KIAA0825: variants seen among roughly 807,000 people sequenced by gnomAD.
The protein encoded by KIAA0825 is uncharacterized protein KIAA0825.
Under a neutral mutation model 147.6 loss-of-function variants are expected in KIAA0825, and 119 were observed. The ratio of observed to expected loss-of-function variants is 0.81; its 90% CI spans 0.69 to 0.94. KIAA0825 has a LOEUF of 0.94. KIAA0825 is among the 40% of genes least tolerant of loss of function. The pLI, the probability that KIAA0825 is intolerant of heterozygous loss-of-function variation, is 0.00. For missense variants in KIAA0825, 1,381 were observed against 1,472.7 expected, an observed-to-expected ratio of 0.94 and a Z score of 1.02; for synonymous variants, 470 against 518.1, an observed-to-expected ratio of 0.91 and a Z score of 1.26.
At chr5:94,450,370 T>G (rs1320643968) in intron 13 of KIAA0825, among the ~76,000 whole-genome samples, 1 of 146,066 alleles carries the variant, frequency 6.8e-6, no homozygotes, top group East Asian at 2.0e-4. Flanking sequence ...CCAGCAAGTT[T>G]GGGGAATCTG....
At chr5:94,249,445 C>G (rs911776138) in intron 20 of KIAA0825, among the ~76,000 whole-genome samples, 2 of 151,990 alleles carry the variant, frequency 1.3e-5, no homozygotes, top group Non-Finnish European at 2.9e-5. Context: ...TTTGCAAGAC[C>G]AATGTGAGGC....
intron 20 of KIAA0825, among the ~76,000 whole-genome samples, chr5:94,245,130 T>A (rs752822351): frequency 6.6e-6 from 1 of 152,184 alleles, no homozygotes; most frequent in Non-Finnish European, 1.5e-5. Flanking sequence ...AAAACGTCCC[T>A]TGGTTAAAGA....
intron 1 of KIAA0825, among the ~76,000 whole-genome samples, chr5:94,616,302 C>T (rs1790464392): frequency 6.6e-6 from 1 of 152,068 alleles, no homozygotes; most frequent in East Asian, 1.9e-4. Flanking sequence ...GTCATTTCAA[C>T]TAAATTTTTG....
intron 13 of KIAA0825, among the ~76,000 whole-genome samples, chr5:94,448,428 C>T (rs1420977): frequency 0.46 from 69,229 of 151,584 alleles, 15,922 homozygotes; most frequent in African/African-American, 0.48. Context: ...CTATTTGTGT[C>T]CTGAATTTCA....
In KIAA0825 at chr5:94,501,051, C is replaced by A. The variant is rs188397112; in HGVS notation, c.971-16121G>T. On this transcript the variant is annotated intron_variant, in intron 5 of 20. Transcript: ENST00000682413. ...GATTACAGGCGTGAGCCACTGCACC[C>A]GCCTCTTTCACTACTATTATTTTAA... Among the ~76,000 whole-genome samples, 793 of 152,204 alleles carry A rather than the reference C, an allele frequency of 5.2e-3. 7 individuals carry two copies. The highest frequency in any genetic ancestry group is 0.024 in the Middle Eastern group (7 of 294).
intron 20 of KIAA0825, among the ~76,000 whole-genome samples, chr5:94,323,556 CAA>C (rs78678665): frequency 8.0e-5 from 9 of 112,788 alleles, no homozygotes; most frequent in Admixed American, 9.0e-5. Context: ...AGCTCCAGAC[CAA>C]AAAAAAAAAA....
intron 4 of KIAA0825, among the ~76,000 whole-genome samples, chr5:94,522,107 G>A (rs1241722329): frequency 2.0e-5 from 3 of 151,476 alleles, no homozygotes; most frequent in African/African-American, 7.3e-5. Flanking sequence ...TAACTCTTTG[G>A]CATATGTATT....
intron 1 of KIAA0825, among the ~76,000 whole-genome samples, chr5:94,606,220 T>C (rs142004846): frequency 0.017 from 2,557 of 152,156 alleles, 61 homozygotes; most frequent in African/African-American, 0.058. Flanking sequence ...ATCTCTACAA[T>C]GAGAATTACA....
intron 20 of KIAA0825, among the ~76,000 whole-genome samples, chr5:94,201,834 C>T (rs1198253110): frequency 1.3e-5 from 2 of 152,072 alleles, no homozygotes; most frequent in African/African-American, 4.8e-5. Flanking sequence ...CCAAATACAG[C>T]GTGGGCAAAT....
intron 12 of KIAA0825, among the ~76,000 whole-genome samples, chr5:94,456,507 A>G (rs1759133808): frequency 6.6e-6 from 1 of 152,174 alleles, no homozygotes; most frequent in South Asian, 2.1e-4. Context: ...CACAAGGGTA[A>G]GGTCATCAAA....
At chr5:94,498,143 G>C (rs1450079228) in intron 5 of KIAA0825, among the ~76,000 whole-genome samples, 1 of 152,156 alleles carries the variant, frequency 6.6e-6, no homozygotes, top group Non-Finnish European at 1.5e-5. Context: ...ACAGCTACCA[G>C]GTGTAATTTA....
chr5:94,312,820 A>G (rs4543248), intron 20 of KIAA0825, among the ~76,000 whole-genome samples: 4 of 151,702 alleles, frequency 2.6e-5, no homozygotes, highest in Non-Finnish European at 4.4e-5. Flanking sequence ...CACCGGGTCA[A>G]ATTATTCTCA....
chr5:94,606,034 C>T (rs1007108464), intron 1 of KIAA0825, among the ~76,000 whole-genome samples: 1 of 152,168 alleles, frequency 6.6e-6, no homozygotes, highest in Admixed American at 6.5e-5. Context: ...CCCAAAGGCT[C>T]CTTCAGCTGA....
At chr5:94,452,868 T>G (rs1333996563) in intron 13 of KIAA0825, 91 bp downstream of exon 13, 4 of 625,848 alleles carry the variant, frequency 6.4e-6, no homozygotes, top group Non-Finnish European at 1.0e-5. Flanking sequence ...TTGTAAGATA[T>G]AAGTTCGTTT....
At chr5:94,595,183 C>T (rs1225729749) in intron 1 of KIAA0825, among the ~76,000 whole-genome samples, 3 of 152,238 alleles carry the variant, frequency 2.0e-5, no homozygotes, top group Non-Finnish European at 2.9e-5. Flanking sequence ...TGCCACTCCA[C>T]ATTTCCCTTC....
At chr5:94,394,967 A>C (rs1750441025) in intron 17 of KIAA0825, among the ~76,000 whole-genome samples, 1 of 152,178 alleles carries the variant, frequency 6.6e-6, no homozygotes, top group Admixed American at 6.5e-5. Flanking sequence ...AGTCTTATAG[A>C]TTAACATAGA....
At chr5:94,247,611 C>T (rs1028338566) in intron 20 of KIAA0825, among the ~76,000 whole-genome samples, 2 of 152,096 alleles carry the variant, frequency 1.3e-5, no homozygotes, top group African/African-American at 4.8e-5. Context: ...CTTTATCCAG[C>T]ACGTATTTTG....
At chr5:94,554,140 A>C (rs1195063987) in intron 2 of KIAA0825, among the ~76,000 whole-genome samples, 2 of 152,066 alleles carry the variant, frequency 1.3e-5, no homozygotes, top group Non-Finnish European at 2.9e-5. Flanking sequence ...AATCCCTGAA[A>C]CTCTAAGCTC....
chr5:94,615,412 AAG>A (rs1332393870), intron 1 of KIAA0825: 3 of 152,212 alleles, frequency 2.0e-5, no homozygotes, highest in Non-Finnish European at 2.9e-5. Context: ...CAAAGTGGTT[AAG>A]ATTATCGCTT....
Sources: allele counts gnomAD v4.1 joint callset (sites outside exome capture counted in the v4.1 genomes callset), GRCh38; gene constraint gnomAD v4.1.1; transcripts MANE v1.5; gene names NCBI Gene and HGNC (gene_info 2026-07-23, HGNC 2026-07-21).